Variants in TNFRSF1A observed in about 807,000 individuals in gnomAD.
The protein encoded by TNFRSF1A is tumor necrosis factor receptor superfamily member 1A.
In TNFRSF1A, 9 loss-of-function variants were observed where a neutral mutation model predicts 41.6. That is an observed-to-expected ratio of 0.22 (90% confidence interval 0.13 to 0.38). The LOEUF is 0.38. Ranked by LOEUF, TNFRSF1A falls within the 10% of genes least tolerant of loss-of-function variation. The pLI is 1.00. For synonymous variants in TNFRSF1A, 254 were observed against 248.6 expected, an observed-to-expected ratio of 1.02 and a Z score of -0.21; for missense variants, 463 against 591.5, an observed-to-expected ratio of 0.78 and a Z score of 2.25.
chr12:6,330,522 A>T, intron 7 of TNFRSF1A, 76 bp downstream of exon 7: 2 of 1,176,268 alleles, frequency 1.7e-6, no homozygotes, highest in Non-Finnish European at 2.5e-6. Flanking sequence ...ACCTCCCTCC[A>T]CACATGTCCA....
intron 1 of TNFRSF1A, among the ~76,000 whole-genome samples, chr12:6,335,185 C>A (rs1221955047): frequency 6.6e-6 from 1 of 152,134 alleles, no homozygotes; most frequent in Middle Eastern, 3.2e-3. Flanking sequence ...CCCTCACATT[C>A]CCTGGCCCAT....
chr12:6,330,389 G>A, intron 7 of TNFRSF1A, 94 bp from the exon 8 acceptor site: 1 of 1,265,536 alleles, frequency 7.9e-7, no homozygotes, highest in Non-Finnish European at 1.2e-6. Flanking sequence ...GTGGTGACAT[G>A]CCTCAGGGCC....
chr12:6,329,157 C>G lies in TNFRSF1A; in HGVS notation c.*155G>C. 2.9e-6 allele frequency: 2 copies of G among 693,514 alleles called. No homozygotes were observed. The highest frequency in any genetic ancestry group is 7.3e-5 in the South Asian group (2 of 27,456). The allele number at this position is 693,514 out of a possible 1,614,324, so 43.0% of individuals were successfully genotyped here. A position where few individuals can be genotyped will look rare whatever the true frequency, so the allele number is the denominator to read the frequency against. ...GCGCTGACTGTCGGCGGCGCGCAGG[C>G]AGCTGAGAAAAGCTATGTACATCGA... is the stretch of plus-strand genomic sequence containing the variant. On this transcript the variant is annotated 3_prime_UTR_variant, in exon 10 of 10. Coordinates refer to ENST00000162749, the MANE Select transcript of TNFRSF1A (RefSeq NM_001065.4).
rs534734049 is a variant in TNFRSF1A at position 6,329,088 on chromosome 12, A to G, written c.*224T>C. 3 of 427,196 alleles carry G rather than the reference A, an allele frequency of 7.0e-6. No individual in the cohort carries two copies. Among genetic ancestry groups the G allele is most frequent in the African/African-American group, 4.1e-5 (2 of 48,958 alleles). The allele number at this position is 427,196 out of a possible 1,614,324, so 26.5% of individuals were successfully genotyped here. On this transcript the variant is annotated 3_prime_UTR_variant, in exon 10 of 10. Transcript: ENST00000162749. ...CGTCCCTCATCCTCGCAAACCACCC[A>G]CTCAGGCTCTTGAGCCCACGGCGCA...
chr12:6,328,894 A>G lies in TNFRSF1A; in HGVS notation c.*418T>C, dbSNP rs199648987. ...CTATGTGCTTGTCCAGGCAGAGGGC[A>G]CAGGAGTGCCAAGTTTCTATTAGTG... On this transcript the variant is annotated 3_prime_UTR_variant, in exon 10 of 10. Coordinates refer to ENST00000162749, the MANE Select transcript of TNFRSF1A (RefSeq NM_001065.4). 8 of 176,008 alleles carry G rather than the reference A, an allele frequency of 4.5e-5. No homozygotes were observed. In the South Asian group the frequency reaches 1.2e-3, roughly 26 times the overall value. 10.9% of individuals were successfully genotyped at this position (176,008 alleles called of 1,614,324 possible).
Position 6,334,742 on chromosome 12 carries a change from C to G in TNFRSF1A, c.40-498G>C, listed in dbSNP as rs1412589516. On this transcript the variant is annotated intron_variant, in intron 1 of 9. Coordinates refer to ENST00000162749, the MANE Select transcript of TNFRSF1A (RefSeq NM_001065.4). This position sits in a 1 kb window ranked among gnomAD's most constrained non-coding sequence, Gnocchi z 5.1. ...CTCAAAATCCTGGGCTCAAGTGATCCTCCCACCTTGGCTTCCCAAAGTGCT... is the reference window on the plus strand; with the variant it reads ...CTCAAAATCCTGGGCTCAAGTGATCGTCCCACCTTGGCTTCCCAAAGTGCT... Among the ~76,000 whole-genome samples, 2 of 152,168 alleles carry G rather than the reference C, an allele frequency of 1.3e-5. No individual in the cohort carries two copies. Among genetic ancestry groups the G allele is most frequent in the Non-Finnish European group, 2.9e-5 (2 of 68,034 alleles).
chr12:6,330,156 G>A, intron 8 of TNFRSF1A, 90 bp from the exon 9 acceptor site: 1 of 1,611,044 alleles, frequency 6.2e-7, no homozygotes, highest in Non-Finnish European at 8.5e-7. Context: ...GACTTAGAGG[G>A]AATGAGGCGA....
rs1948137386 is a variant in TNFRSF1A at position 6,337,602 on chromosome 12, AC to A, written c.40-3359del. Among the ~76,000 whole-genome samples, 1 of 152,084 alleles carries A rather than the reference AC, an allele frequency of 6.6e-6. No homozygotes were observed. The highest frequency in any genetic ancestry group is 2.4e-5 in the African/African-American group (1 of 41,412). On this transcript the variant is annotated intron_variant, in intron 1 of 9. Transcript: ENST00000162749. The surrounding 1 kb of genome is among the most constrained non-coding windows in gnomAD (Gnocchi z 4.6). ...GATCCCATCTCCCTCCCGTGAAGCC[AC>A]CATTGACGATGTCTGTTTCCTCCAC... is the stretch of plus-strand genomic sequence containing the variant.
In TNFRSF1A at chr12:6,337,063, G is replaced by C. The variant is rs914081389; in HGVS notation, c.40-2819C>G. ...GAGGGAGCAGGCAAGAAGGGATGCC[G>C]GATGGAAGAACCAGCCCTGCTTCCT... On this transcript the variant is annotated intron_variant, in intron 1 of 9. Coordinates refer to ENST00000162749, the MANE Select transcript of TNFRSF1A (RefSeq NM_001065.4). This position sits in a 1 kb window ranked among gnomAD's most constrained non-coding sequence, Gnocchi z 4.6. Among the ~76,000 whole-genome samples, 1 of 152,174 alleles carries C rather than the reference G, an allele frequency of 6.6e-6. No individual in the cohort carries two copies. Among genetic ancestry groups the C allele is most frequent in the African/African-American group, 2.4e-5 (1 of 41,436 alleles).
intron 1 of TNFRSF1A, among the ~76,000 whole-genome samples, chr12:6,338,910 A>G (rs990938338): frequency 6.6e-6 from 1 of 152,202 alleles, no homozygotes; most frequent in African/African-American, 2.4e-5. Context: ...AATTACAGGC[A>G]TGAACCACAG....
chr12:6,338,723 G>T (rs916588288), intron 1 of TNFRSF1A, among the ~76,000 whole-genome samples: 4 of 152,014 alleles, frequency 2.6e-5, no homozygotes, highest in Non-Finnish European at 5.9e-5. Flanking sequence ...CCACCTCCTG[G>T]GCCCAAGCCG....
chr12:6,330,311 G>T lies in TNFRSF1A; in HGVS notation c.740-16C>A. Reference sequence around the variant, plus strand: ...TTCCCACAAACTGAGGAAAAAGAAAGAAAGCATCATAAATTTCACTTCCTC... The same window carrying T: ...TTCCCACAAACTGAGGAAAAAGAAATAAAGCATCATAAATTTCACTTCCTC... On this transcript the variant is annotated splice_polypyrimidine_tract_variant and intron_variant, in intron 7 of 9. Transcript: ENST00000162749. 6 of 1,612,234 alleles carry T rather than the reference G, an allele frequency of 3.7e-6. No homozygotes were observed. Among genetic ancestry groups the T allele is most frequent in the Non-Finnish European group, 5.1e-6 (6 of 1,178,412 alleles).
rs1363973543 is a variant in TNFRSF1A at position 6,341,642 on chromosome 12, G to A, written c.39+134C>T. On this transcript the variant is annotated intron_variant, in intron 1 of 9. Coordinates refer to ENST00000162749, the MANE Select transcript of TNFRSF1A (RefSeq NM_001065.4). The surrounding 1 kb of genome is among the most constrained non-coding windows in gnomAD (Gnocchi z 4.6). Reference sequence around the variant, plus strand: ...CCCACACTGGCAGTGGCTGAGGTTAGGACCTGCAGGCCTGAGGCTGGCGCC... The same window carrying A: ...CCCACACTGGCAGTGGCTGAGGTTAAGACCTGCAGGCCTGAGGCTGGCGCC... The A allele has an allele frequency of 1.0e-6, 1 of 1,000,942 alleles. No individual in the cohort carries two copies. Among genetic ancestry groups the A allele is most frequent in the African/African-American group, 1.6e-5 (1 of 62,766 alleles). 62.0% of individuals were successfully genotyped at this position (1,000,942 alleles called of 1,614,324 possible).
rs1948098039 is a variant in TNFRSF1A at position 6,334,731 on chromosome 12, C to T, written c.40-487G>A. ...CTCAGACTGGTCTCAAAATCCTGGG[C>T]TCAAGTGATCCTCCCACCTTGGCTT... On this transcript the variant is annotated intron_variant, in intron 1 of 9. Transcript: ENST00000162749. The surrounding 1 kb of genome is among the most constrained non-coding windows in gnomAD (Gnocchi z 5.1). Among the ~76,000 whole-genome samples, 1 of 152,160 alleles carries T rather than the reference C, an allele frequency of 6.6e-6. No homozygotes were observed. The highest frequency in any genetic ancestry group is 1.5e-5 in the Non-Finnish European group (1 of 68,046).
Position 6,339,839 on chromosome 12 carries a change from TCTCACACACACA to T in TNFRSF1A, c.39+1925_39+1936del, listed in dbSNP as rs1256566837. Among the ~76,000 whole-genome samples the T allele has an allele frequency of 9.9e-5, 12 of 120,888 alleles. No homozygotes were observed. In the South Asian group the frequency reaches 1.0e-3, roughly 10 times the overall value. The allele number at this position is 120,888 out of a possible 152,430, so 79.3% of individuals were successfully genotyped here. A position where few individuals can be genotyped will look rare whatever the true frequency, so the allele number is the denominator to read the frequency against. Reference sequence around the variant, plus strand: ...ACTTCTCTCTCTCTCTCTCTCTCTCTCTCACACACACACACACACACACACACACACACACAC... The same window carrying T: ...ACTTCTCTCTCTCTCTCTCTCTCTCTCACACACACACACACACACACACAC... On this transcript the variant is annotated intron_variant, in intron 1 of 9. Coordinates refer to ENST00000162749, the MANE Select transcript of TNFRSF1A (RefSeq NM_001065.4).
chr12:6,336,520 AC>A (rs1948121525), intron 1 of TNFRSF1A, among the ~76,000 whole-genome samples: 1 of 150,940 alleles, frequency 6.6e-6, no homozygotes, highest in Non-Finnish European at 1.5e-5. Context: ...TCCCCACTCA[AC>A]CCCCATCCAT....
chr12:6,341,344 C>A lies in TNFRSF1A; in HGVS notation c.39+432G>T, dbSNP rs1256333596. Among the ~76,000 whole-genome samples, 3 of 152,188 alleles carry A rather than the reference C, an allele frequency of 2.0e-5. No homozygotes were observed. The highest frequency in any genetic ancestry group is 2.9e-5 in the Non-Finnish European group (2 of 68,026). ...CACAGGCAGCCTCGCCTCCCCACGG[C>A]CCAACACCCTCCAGGCCAGCCAGCT... On this transcript the variant is annotated intron_variant, in intron 1 of 9. Coordinates refer to ENST00000162749, the MANE Select transcript of TNFRSF1A (RefSeq NM_001065.4). This position sits in a 1 kb window ranked among gnomAD's most constrained non-coding sequence, Gnocchi z 4.6.
chr12:6,341,830 C>G lies in TNFRSF1A; in HGVS notation c.-16G>C, dbSNP rs1592053747. The G allele has an allele frequency of 6.2e-7, 1 of 1,614,090 alleles. No individual in the cohort carries two copies. The highest frequency in any genetic ancestry group is 8.5e-7 in the Non-Finnish European group (1 of 1,180,026). On this transcript the variant is annotated 5_prime_UTR_variant, in exon 1 of 10. Coordinates refer to ENST00000162749, the MANE Select transcript of TNFRSF1A (RefSeq NM_001065.4). The surrounding 1 kb of genome is among the most constrained non-coding windows in gnomAD (Gnocchi z 4.6). ...AGAGGCCCATGCCAGACAGCTATGGCCTCTCACTCCCCCATTTGGGCTCAG... is the reference window on the plus strand; with the variant it reads ...AGAGGCCCATGCCAGACAGCTATGGGCTCTCACTCCCCCATTTGGGCTCAG...
Position 6,333,312 on chromosome 12 carries a change from A to C in TNFRSF1A, c.472+55T>G. On this transcript the variant is annotated intron_variant, in intron 4 of 9. Coordinates refer to ENST00000162749, the MANE Select transcript of TNFRSF1A (RefSeq NM_001065.4). The surrounding 1 kb of genome is among the most constrained non-coding windows in gnomAD (Gnocchi z 6.3). ...GAAAGGAAGTGCCACCGCATGGGGA[A>C]GGGGCCAACCCCTGGGGTGGGGAGA... 1 of 1,598,550 alleles carries C rather than the reference A, an allele frequency of 6.3e-7. No individual in the cohort carries two copies. The highest frequency in any genetic ancestry group is 8.5e-7 in the Non-Finnish European group (1 of 1,171,768).
Sources: gnomAD v4.1 joint callset for allele counts (sites outside exome capture counted in the v4.1 genomes callset) on GRCh38, gnomAD v4.1.1 for gene constraint, Gnocchi (gnomAD v3.1) non-coding constraint, MANE v1.5 for transcripts, NCBI Gene and HGNC (gene_info 2026-07-23, HGNC 2026-07-21) for gene names.